Variants in LTBP1 observed in about 807,000 individuals in gnomAD.
LTBP1 encodes the protein latent transforming growth factor beta binding protein 1.
A neutral mutation model predicts 207.6 loss-of-function variants in LTBP1; 129 were observed. That is an observed-to-expected ratio of 0.62 (90% CI 0.54 to 0.72). The LOEUF (loss-of-function observed/expected upper bound fraction) is 0.72, where lower values mean the gene tolerates loss of function less well. LTBP1 is among the 30% of genes least tolerant of loss of function. The pLI is 0.00. For missense variants in LTBP1, 2,281 were observed against 2,217.2 expected (o/e 1.03, Z -0.58); for synonymous variants, 963 against 833.7 (o/e 1.16, Z -2.67).
chr2:33,283,731 C>T lies in LTBP1; in HGVS notation c.3112+3573C>T, dbSNP rs114142267. On this transcript the variant is annotated intron_variant, in intron 19 of 33. Transcript: ENST00000404816. Reference sequence around the variant, plus strand: ...GATTACAGGCGTGAGCCACCGTGCCCGGTCATTAAAAAGTTTCCTGCAATC... The same window carrying T: ...GATTACAGGCGTGAGCCACCGTGCCTGGTCATTAAAAAGTTTCCTGCAATC... 5.1e-3 allele frequency among the ~76,000 whole-genome samples: 783 copies of T among 152,160 alleles called. 9 individuals carry two copies. The highest frequency in any genetic ancestry group is 0.018 in the African/African-American group (741 of 41,518).
intron 5 of LTBP1, among the ~76,000 whole-genome samples, chr2:33,176,011 G>A (rs1179382994): frequency 6.8e-6 from 1 of 148,124 alleles, no homozygotes; most frequent in Admixed American, 6.8e-5. Flanking sequence ...GTTGTGGGGT[G>A]GGGGGAGGCG....
At chr2:33,201,291 G>A (rs536419243) in intron 7 of LTBP1, among the ~76,000 whole-genome samples, 3 of 152,120 alleles carry the variant, frequency 2.0e-5, no homozygotes, top group African/African-American at 7.2e-5. Flanking sequence ...GGAATACTAT[G>A]CAGCCATAAA....
At chr2:32,961,333 G>C (rs1180663808) in intron 2 of LTBP1, among the ~76,000 whole-genome samples, 1 of 152,184 alleles carries the variant, frequency 6.6e-6, no homozygotes, top group East Asian at 1.9e-4. Context: ...GAAAGTGTGA[G>C]GGTGAAGAAA....
intron 2 of LTBP1, among the ~76,000 whole-genome samples, chr2:32,950,278 C>A (rs543675405): frequency 1.3e-3 from 195 of 152,240 alleles, no homozygotes; most frequent in Admixed American, 1.9e-3. Context: ...GGAATAGGGC[C>A]TGGTGCGGTG....
At chr2:33,155,995 T>C (rs981255301) in intron 5 of LTBP1, among the ~76,000 whole-genome samples, 4 of 152,184 alleles carry the variant, frequency 2.6e-5, no homozygotes, top group African/African-American at 9.6e-5. Context: ...TGCTAGCACA[T>C]AGATGTATTG....
At chr2:33,241,964 C>T (rs889828568) in intron 9 of LTBP1, among the ~76,000 whole-genome samples, 2 of 152,122 alleles carry the variant, frequency 1.3e-5, no homozygotes, top group African/African-American at 4.8e-5. Context: ...TACTGTGTGC[C>T]GTACCAGGTG....
chr2:33,268,984 G>A (rs759784657), intron 15 of LTBP1, among the ~76,000 whole-genome samples: 7 of 152,144 alleles, frequency 4.6e-5, no homozygotes, highest in Non-Finnish European at 8.8e-5. Flanking sequence ...ACCCAAAAAT[G>A]TTTGTCCCTC....
intron 3 of LTBP1, among the ~76,000 whole-genome samples, chr2:33,080,739 C>T (rs1435826396): frequency 6.6e-6 from 1 of 152,124 alleles, no homozygotes; most frequent in South Asian, 2.1e-4. Flanking sequence ...ATACTGGATG[C>T]ACTTAAAGAT....
At chr2:33,103,895 A>G (rs536819592) in intron 3 of LTBP1, among the ~76,000 whole-genome samples, 4 of 152,130 alleles carry the variant, frequency 2.6e-5, no homozygotes, top group Admixed American at 1.3e-4. Flanking sequence ...TGACCCCTGC[A>G]CTTTCCTCCT....
intron 2 of LTBP1, among the ~76,000 whole-genome samples, chr2:32,972,107 T>C (rs1169162736): frequency 8.0e-6 from 1 of 124,554 alleles, no homozygotes; most frequent in Non-Finnish European, 1.9e-5. Context: ...CAAGAGTCTC[T>C]GAGTTTTTTG....
intron 24 of LTBP1, among the ~76,000 whole-genome samples, chr2:33,338,908 G>GTGC (rs2094583475): frequency 6.6e-6 from 1 of 152,182 alleles, no homozygotes; most frequent in South Asian, 2.1e-4. Context: ...ATGAGGAAGG[G>GTGC]TGCTCCATGC....
chr2:33,382,074 C>CT (rs70938398), intron 31 of LTBP1, among the ~76,000 whole-genome samples: 813 of 46,774 alleles, frequency 0.017, 330 homozygotes, highest in Middle Eastern at 0.031. Flanking sequence ...CCTACTGCTT[C>CT]TTTTTTTTTT....
At chr2:33,100,757 A>G (rs1033211621) in intron 3 of LTBP1, among the ~76,000 whole-genome samples, 2 of 152,082 alleles carry the variant, frequency 1.3e-5, no homozygotes, top group Non-Finnish European at 2.9e-5. Flanking sequence ...AAATCTGCCT[A>G]TTTCAGAGAC....
intron 3 of LTBP1, among the ~76,000 whole-genome samples, chr2:33,038,375 C>G (rs186243696): frequency 1.3e-4 from 20 of 152,282 alleles, no homozygotes; most frequent in African/African-American, 4.8e-4. Flanking sequence ...TTACCTTATG[C>G]AGCACCAAGC....
At chr2:33,058,396 C>T (rs549824996) in intron 3 of LTBP1, among the ~76,000 whole-genome samples, 18 of 152,302 alleles carry the variant, frequency 1.2e-4, no homozygotes, top group African/African-American at 4.3e-4. Flanking sequence ...GCTAAAGCTT[C>T]CAATGTTTAA....
intron 4 of LTBP1, among the ~76,000 whole-genome samples, chr2:33,128,429 C>G (rs936363568): frequency 1.3e-5 from 2 of 152,212 alleles, no homozygotes; most frequent in African/African-American, 4.8e-5. Context: ...ATTCTGTTTA[C>G]AGAGAGCAGT....
chr2:33,214,889 A>C (rs911349713), intron 7 of LTBP1, among the ~76,000 whole-genome samples: 1 of 151,958 alleles, frequency 6.6e-6, no homozygotes, highest in Admixed American at 6.6e-5. Flanking sequence ...AAAAAAAGCA[A>C]TTGTTTTGGT....
rs1442344053 is a variant in LTBP1 at position 33,389,312 on chromosome 2, C to G, written c.4834+6C>G. 3.7e-6 allele frequency: 6 copies of G among 1,613,908 alleles called. No individual in the cohort carries two copies. Among genetic ancestry groups the G allele is most frequent in the Non-Finnish European group, 5.1e-6 (6 of 1,179,950 alleles). On this transcript the variant is annotated splice_donor_region_variant and intron_variant, in intron 32 of 33. Coordinates refer to ENST00000404816, the MANE Select transcript of LTBP1 (RefSeq NM_206943.4). Reference sequence around the variant, plus strand: ...TCCCTACTTCATCCAAGACCGTAAGCAAAATAACCTTGTTCCTTTGATACT... The same window carrying G: ...TCCCTACTTCATCCAAGACCGTAAGGAAAATAACCTTGTTCCTTTGATACT...
intron 5 of LTBP1, among the ~76,000 whole-genome samples, chr2:33,135,291 A>C (rs940674905): frequency 2.6e-5 from 4 of 152,204 alleles, no homozygotes; most frequent in Non-Finnish European, 4.4e-5. Flanking sequence ...ATAAGCTTCA[A>C]ATTTTATCAG....
Sources: allele counts gnomAD v4.1 joint callset (sites outside exome capture counted in the v4.1 genomes callset), GRCh38; gene constraint gnomAD v4.1.1; transcripts MANE v1.5; gene names NCBI Gene and HGNC (gene_info 2026-07-23, HGNC 2026-07-21).